Variants in SEL1L3 observed in about 807,000 individuals in gnomAD.
SEL1L3 encodes the protein SEL1L family member 3.
Under a neutral mutation model 142.8 loss-of-function variants are expected in SEL1L3, and 76 were observed. That is an observed-to-expected ratio of 0.53 (90% CI 0.44 to 0.64). The LOEUF (loss-of-function observed/expected upper bound fraction) is 0.64. Among genes scored for constraint, SEL1L3 ranks in the 30% least tolerant of loss-of-function variants. The pLI is 0.00. For synonymous variants in SEL1L3, 504 were observed against 519.6 expected, an observed-to-expected ratio of 0.97 and a Z score of 0.41; for missense variants, 1,262 against 1,381.7, an observed-to-expected ratio of 0.91 and a Z score of 1.37.
At chr4:25,786,216 A>G (rs6448404) in intron 13 of SEL1L3, among the ~76,000 whole-genome samples, 95,655 of 151,882 alleles carry the variant, frequency 0.63, 30,342 homozygotes, top group Middle Eastern at 0.7. Context: ...CATAAAGCCC[A>G]ATGCCCCCAC....
the SEL1L3 span, among the ~76,000 whole-genome samples, chr4:25,722,494 G>A: frequency 6.6e-6 from 1 of 152,110 alleles, no homozygotes; most frequent in Non-Finnish European, 1.5e-5. Flanking sequence ...GAGCAAGTGT[G>A]GATGTTGTGA....
At chr4:25,803,438 C>T (rs1373598916) in intron 10 of SEL1L3, among the ~76,000 whole-genome samples, 2 of 152,216 alleles carry the variant, frequency 1.3e-5, no homozygotes, top group Admixed American at 6.5e-5. Flanking sequence ...CCCCAAACCA[C>T]GCATACACAA....
At chr4:25,750,908 C>T (rs778311398) in intron 23 of SEL1L3, among the ~76,000 whole-genome samples, 2 of 152,176 alleles carry the variant, frequency 1.3e-5, no homozygotes, top group Admixed American at 6.5e-5. Context: ...AATAGGCTGA[C>T]GTTGGTTTAA....
downstream of SEL1L3, among the ~76,000 whole-genome samples, chr4:25,742,461 C>T (rs557067160): frequency 3.9e-4 from 59 of 151,930 alleles, no homozygotes; most frequent in African/African-American, 1.3e-3. Flanking sequence ...CCACACCTGG[C>T]TAATTTTTGT....
chr4:25,818,789 C>T (rs149681764), intron 8 of SEL1L3, among the ~76,000 whole-genome samples: 191 of 152,268 alleles, frequency 1.3e-3, no homozygotes, highest in Middle Eastern at 0.01. Context: ...TTGACAGCAT[C>T]ATATTTTCCG....
intron 17 of SEL1L3, among the ~76,000 whole-genome samples, chr4:25,775,460 G>T (rs7697592): frequency 0.4 from 61,366 of 152,074 alleles, 13,143 homozygotes; most frequent in African/African-American, 0.55. Context: ...CTGAGTCTCA[G>T]CTAATGTCTT....
intron 23 of SEL1L3, among the ~76,000 whole-genome samples, chr4:25,755,093 A>T (rs971804840): frequency 6.6e-6 from 1 of 151,384 alleles, no homozygotes; most frequent in Non-Finnish European, 1.5e-5. Context: ...TTTAACTTCT[A>T]CTTTTTTAGA....
Position 25,793,083 on chromosome 4 carries a change from G to C in SEL1L3, c.1957-2509C>G, listed in dbSNP as rs74442624. Among the ~76,000 whole-genome samples, 1,438 of 152,306 alleles carry C rather than the reference G, an allele frequency of 9.4e-3. 14 individuals are homozygous for C. Among genetic ancestry groups the C allele is most frequent in the Non-Finnish European group, 0.014 (946 of 68,022 alleles). ...TGCAACCTGATAAGACAGTCACCAT[G>C]AATATCCTCATTTCACATATGTGGA... is the stretch of plus-strand genomic sequence containing the variant. On this transcript the variant is annotated intron_variant, in intron 11 of 23. Transcript: ENST00000399878.
At chr4:25,853,286 G>A (rs1175968748) in intron 1 of SEL1L3, among the ~76,000 whole-genome samples, 2 of 152,126 alleles carry the variant, frequency 1.3e-5, no homozygotes, top group East Asian at 1.9e-4. Flanking sequence ...ACATTTCACC[G>A]TGTACTCTCC....
chr4:25,825,083 T>C (rs1715006399), intron 6 of SEL1L3, among the ~76,000 whole-genome samples: 1 of 152,250 alleles, frequency 6.6e-6, no homozygotes, highest in African/African-American at 2.4e-5. Flanking sequence ...TACATATATA[T>C]GTTTTAATTG....
At chr4:25,725,566 C>T in the SEL1L3 span, among the ~76,000 whole-genome samples, 2,829 of 152,194 alleles carry the variant, frequency 0.019, 108 homozygotes, top group African/African-American at 0.066. Context: ...TCGCCTGCCT[C>T]GGCCTCCCAA....
At chr4:25,728,458 TC>T in the SEL1L3 span, among the ~76,000 whole-genome samples, 2 of 152,022 alleles carry the variant, frequency 1.3e-5, no homozygotes, top group African/African-American at 4.8e-5. Context: ...CTCCCACTGT[TC>T]CCTGAAACAC....
At chr4:25,744,613 G>A (rs556913605), downstream of SEL1L3, among the ~76,000 whole-genome samples, 2 of 152,174 alleles carry the variant, frequency 1.3e-5, no homozygotes, top group South Asian at 2.1e-4. Context: ...CTCTGCCTCC[G>A]AAAGTGCTGG....
intron 11 of SEL1L3, among the ~76,000 whole-genome samples, chr4:25,791,757 T>C (rs993593811): frequency 2.8e-4 from 43 of 152,002 alleles, no homozygotes; most frequent in African/African-American, 1.0e-3. Flanking sequence ...GTACTAAAAA[T>C]ACATAATTTA....
intron 23 of SEL1L3, among the ~76,000 whole-genome samples, chr4:25,749,928 A>T (rs1717477601): frequency 6.6e-6 from 1 of 152,212 alleles, no homozygotes; most frequent in African/African-American, 2.4e-5. Context: ...TCCATAGTAA[A>T]GATTTATTAG....
intron 11 of SEL1L3, among the ~76,000 whole-genome samples, chr4:25,796,444 A>G (rs1433170685): frequency 1.3e-5 from 2 of 152,134 alleles, no homozygotes; most frequent in African/African-American, 4.8e-5. Flanking sequence ...AAAGAAAAAA[A>G]AAATATGTGT....
chr4:25,745,577 T>C (rs1363820114), downstream of SEL1L3, among the ~76,000 whole-genome samples: 1 of 152,092 alleles, frequency 6.6e-6, no homozygotes, highest in African/African-American at 2.4e-5. Flanking sequence ...GGGAGTGTGA[T>C]TTTGCTCCCA....
chr4:25,831,682 G>A (rs576265365), intron 5 of SEL1L3, among the ~76,000 whole-genome samples: 3 of 151,606 alleles, frequency 2.0e-5, no homozygotes, highest in Non-Finnish European at 2.9e-5. Context: ...CGTACACCAC[G>A]CCCAGTTAAT....
rs1716592317 is a variant in SEL1L3 at position 25,847,388 on chromosome 4, G to A, written c.639C>T (p.Arg213=). The change falls in exon 2 of 24, where the codon CGC becomes CGT. Residue 213 remains arginine (R), a synonymous_variant. Transcript: ENST00000399878. ...TLLQTIPPFE[R]PFKDHQVCLE... is the part of the protein sequence containing the mutation. ...GGCACACTTGATGATCTTTGAAAGG[G>A]CGTTCAAAAGGCGGGATGGTCTGCA... 1.9e-6 allele frequency: 3 copies of A among 1,613,810 alleles called. No individual in the cohort carries two copies. The South Asian group carries it at 3.3e-5, about 18-fold the overall frequency.
Sources: allele counts gnomAD v4.1 joint callset (sites outside exome capture counted in the v4.1 genomes callset), GRCh38; gene constraint gnomAD v4.1.1; transcripts MANE v1.5; gene names NCBI Gene and HGNC (gene_info 2026-07-23, HGNC 2026-07-21).